Variants in ETV7 observed in about 807,000 individuals in gnomAD.
The protein encoded by ETV7 is transcription factor ETV7.
A neutral mutation model predicts 39.1 loss-of-function variants in ETV7; 43 were observed. The observed-to-expected ratio is 1.10, with a 90% CI of 0.86 to 1.42. The LOEUF (loss-of-function observed/expected upper bound fraction) is 1.42, where lower values mean the gene tolerates loss of function less well. Among genes scored for constraint, ETV7 ranks in the 40% most tolerant of loss-of-function variants. ETV7 has a pLI of 0.00. For synonymous variants in ETV7, 196 were observed against 176.6 expected (o/e 1.11, Z -0.87); for missense variants, 432 against 442.3 (o/e 0.98, Z 0.21).
At chr6:36,383,306 A>C (rs1773741251) in intron 2 of ETV7, among the ~76,000 whole-genome samples, 1 of 152,164 alleles carries the variant, frequency 6.6e-6, no homozygotes, top group Non-Finnish European at 1.5e-5. Context: ...CCTCCATCCC[A>C]GTAGACCTCC....
At chr6:36,362,801 T>G (rs115831410), downstream of ETV7, among the ~76,000 whole-genome samples, 1 of 152,218 alleles carries the variant, frequency 6.6e-6, no homozygotes, top group African/African-American at 2.4e-5. Flanking sequence ...ATGGTCTCAG[T>G]GCTGGGTGAG....
At chr6:36,356,172 G>A (rs999089099) in intron 7 of ETV7, among the ~76,000 whole-genome samples, 1 of 151,954 alleles carries the variant, frequency 6.6e-6, no homozygotes, top group Non-Finnish European at 1.5e-5. Flanking sequence ...AGTGGCTCAC[G>A]CCTGTAATCC....
chr6:36,380,862 C>T (rs1235087869), intron 2 of ETV7, among the ~76,000 whole-genome samples: 1 of 152,186 alleles, frequency 6.6e-6, no homozygotes, highest in Non-Finnish European at 1.5e-5. Flanking sequence ...GCCCCTTCTC[C>T]AGCCCCTGAC....
At position 36,375,936 on chromosome 6, in the gene ETV7, T is replaced by C. The variant is rs1773311437; in HGVS notation, c.242A>G (p.Glu81Gly). 6.2e-7 allele frequency: 1 copy of C among 1,613,864 alleles called. No individual in the cohort carries two copies. Among genetic ancestry groups the C allele is most frequent in the Non-Finnish European group, 8.5e-7 (1 of 1,180,032 alleles). ...GATGCAGAGGGCGCGTCCGTTCATC[T>C]CGAACCCGTGCTCCGCGGTGCATGG... ...SLPCTAEHGF[E>G]MNGRALCILT... Residue 81 changes from glutamate (E) to glycine (G), a missense_variant, in exon 3 of 8, where the codon GAG becomes GGG. Coordinates refer to ENST00000340181, the MANE Select transcript of ETV7 (RefSeq NM_016135.4).
intron 2 of ETV7, among the ~76,000 whole-genome samples, chr6:36,384,617 C>T (rs1053433028): frequency 1.3e-5 from 2 of 152,074 alleles, no homozygotes; most frequent in Non-Finnish European, 2.9e-5. Context: ...TGGCCGGGTG[C>T]GGTGGCCCAC....
At chr6:36,374,805 C>A (rs893006732) in intron 3 of ETV7, among the ~76,000 whole-genome samples, 2 of 152,164 alleles carry the variant, frequency 1.3e-5, no homozygotes, top group Non-Finnish European at 2.9e-5. Flanking sequence ...AGCAGTGGCT[C>A]ATGCCTGTAA....
chr6:36,380,238 T>C (rs1012488916), intron 2 of ETV7, among the ~76,000 whole-genome samples: 4 of 152,208 alleles, frequency 2.6e-5, no homozygotes, highest in African/African-American at 4.8e-5. Context: ...TGAGAGTAAC[T>C]GGGGCTCCCC....
Position 36,366,759 on chromosome 6 carries a change from A to G in ETV7, c.912T>C (p.Phe304=). The change falls in exon 8 of 8, where the codon TTT becomes TTC. Residue 304 remains phenylalanine (F), a synonymous_variant. Transcript: ENST00000340181. ...KEPGQKLLFR[F]LKTPGKMVQD... is the part of the protein sequence containing the mutation. ...GGACCATCTTTCCCGGAGTCTTTAGAAATCTAGAATTCAGGCCCCAACTGC... is the reference window on the plus strand; with the variant it reads ...GGACCATCTTTCCCGGAGTCTTTAGGAATCTAGAATTCAGGCCCCAACTGC... The G allele has an allele frequency of 6.2e-7, 1 of 1,613,826 alleles. No homozygotes were observed.
In ETV7 at chr6:36,373,526, C is replaced by G; in HGVS notation, c.360G>C (p.Leu120=). 2 of 1,539,332 alleles carry G rather than the reference C, an allele frequency of 1.3e-6. No individual in the cohort carries two copies. Among genetic ancestry groups the G allele is most frequent in the Non-Finnish European group, 1.8e-6 (2 of 1,141,338 alleles). The stretch of plus-strand genomic sequence containing the variant: ...TCCCTCCAAAAAAGGGCCCACACAC[C>G]AGGGCTCGCCGCTGGGTCTTGATGT... ...LQYIKTQRRA[L]VCGPFFGGIF... The change falls in exon 4 of 8, where the codon CTG becomes CTC. Residue 120 remains leucine (L), a synonymous_variant. Transcript: ENST00000340181.
At chr6:36,359,457 A>AG (rs1297411511) in intron 7 of ETV7, among the ~76,000 whole-genome samples, 1 of 150,430 alleles carries the variant, frequency 6.6e-6, no homozygotes, top group African/African-American at 2.5e-5. Flanking sequence ...GTCTCAAAAA[A>AG]AAAAAGAAAA....
intron 4 of ETV7, among the ~76,000 whole-genome samples, chr6:36,371,973 G>A (rs1243783763): frequency 1.3e-5 from 2 of 152,192 alleles, no homozygotes; most frequent in Non-Finnish European, 2.9e-5. Flanking sequence ...CCTGCCCTCA[G>A]GGAGCTTATA....
chr6:36,371,333 C>G lies in ETV7; in HGVS notation c.661G>C (p.Ala221Pro), dbSNP rs750289065. The change falls in exon 5 of 8, where the codon GCT (alanine) becomes CCT (proline). Residue 221 changes from alanine to proline, a missense_variant. Physicochemically the swap from Ala to Pro is conservative, Grantham distance 27. Coordinates refer to ENST00000340181, the MANE Select transcript of ETV7 (RefSeq NM_016135.4). ...MPQAPIDGRIADCRLLWDYVY... is the reference protein window; with the variant it reads ...MPQAPIDGRIPDCRLLWDYVY... ...AGAGGAACAGCCTCCCACTCACCAG[C>G]GATCCTGCCGTCAATGGGGGCCTGC... 2 of 1,581,820 alleles carry G rather than the reference C, an allele frequency of 1.3e-6. No homozygotes were observed. The highest frequency in any genetic ancestry group is 2.3e-5 in the East Asian group (1 of 42,998).
intron 7 of ETV7, among the ~76,000 whole-genome samples, chr6:36,357,239 A>T (rs1473646379): frequency 2.6e-5 from 4 of 152,204 alleles, no homozygotes; most frequent in Non-Finnish European, 5.9e-5. Context: ...CTTGGAAAGG[A>T]TATGGCTGCA....
chr6:36,365,107 G>A (rs1166189152), downstream of ETV7, among the ~76,000 whole-genome samples: 1 of 152,226 alleles, frequency 6.6e-6, no homozygotes, highest in East Asian at 1.9e-4. Flanking sequence ...GGGGGCAAGA[G>A]GCTGAGGTAG....
chr6:36,366,979 G>A lies in ETV7; in HGVS notation c.808-4C>T. 6.2e-7 allele frequency: 1 copy of A among 1,613,734 alleles called. No individual in the cohort carries two copies. Among genetic ancestry groups the A allele is most frequent in the Non-Finnish European group, 8.5e-7 (1 of 1,179,714 alleles). ...CGTAGGTCATGTTCACCCGGTTCTG[G>A]AAAGCAAAGCAGCCCCACATCAGCC... On this transcript the variant is annotated splice_region_variant and splice_polypyrimidine_tract_variant and intron_variant, in intron 6 of 7. Coordinates refer to ENST00000340181, the MANE Select transcript of ETV7 (RefSeq NM_016135.4).
In ETV7 at chr6:36,370,289, C is replaced by T. The variant is rs146850872; in HGVS notation, c.664+1041G>A. On this transcript the variant is annotated intron_variant, in intron 5 of 7. Transcript: ENST00000340181. ...GTGGTTCACGCCTGTAATCCCAGCA[C>T]CAAAGGAGGCCGAGGTGGGTGGATC... 5.8e-4 allele frequency among the ~76,000 whole-genome samples: 88 copies of T among 152,194 alleles called. 1 individual carries two copies. In the East Asian group the frequency reaches 0.016, roughly 28 times the overall value.
intron 2 of ETV7, among the ~76,000 whole-genome samples, chr6:36,383,481 G>A (rs745938880): frequency 2.0e-5 from 3 of 151,984 alleles, no homozygotes; most frequent in Non-Finnish European, 4.4e-5. Context: ...AACAAGATCT[G>A]TTTTGTTTAT....
chr6:36,355,980 T>C (rs1305590046), intron 7 of ETV7, among the ~76,000 whole-genome samples: 2 of 151,922 alleles, frequency 1.3e-5, no homozygotes, highest in African/African-American at 4.8e-5. Flanking sequence ...ACTTAAAGAG[T>C]ATCAAACAAT....
intron 2 of ETV7, 102 bp from the exon 3 acceptor site, chr6:36,376,137 C>T (rs1043926953): frequency 6.9e-5 from 74 of 1,076,906 alleles, no homozygotes; most frequent in Non-Finnish European, 9.0e-5. Context: ...GTCCTGGCCC[C>T]CAACCCCCAT....
Sources: gnomAD v4.1 joint callset for allele counts (sites outside exome capture counted in the v4.1 genomes callset) on GRCh38, gnomAD v4.1.1 for gene constraint, MANE v1.5 for transcripts, NCBI Gene and HGNC (gene_info 2026-07-23, HGNC 2026-07-21) for gene names.